MRM1: variants seen among roughly 807,000 people sequenced by gnomAD.
MRM1 encodes the protein rRNA methyltransferase 1, mitochondrial.
MRM1 carries 24 observed loss-of-function variants against 25.0 expected under a neutral mutation model. The ratio of observed to expected loss-of-function variants is 0.96; its 90% CI spans 0.69 to 1.35. The LOEUF is 1.35. Among genes scored for constraint, MRM1 ranks in the 40% most tolerant of loss-of-function variants. MRM1 has a pLI of 0.00. For missense variants in MRM1, 431 were observed against 464.1 expected, an observed-to-expected ratio of 0.93 and a Z score of 0.65; for synonymous variants, 188 against 199.2, an observed-to-expected ratio of 0.94 and a Z score of 0.47.
the MRM1 span, among the ~76,000 whole-genome samples, chr17:36,622,757 G>A: frequency 1.3e-5 from 2 of 152,158 alleles, no homozygotes; most frequent in East Asian, 3.9e-4. Flanking sequence ...CAGTGGCGGT[G>A]CCCTGCAGGG....
chr17:36,602,325 A>G lies in MRM1; in HGVS notation c.515A>G (p.Asp172Gly). The change falls in exon 1 of 5, where the codon GAT (aspartate) becomes GGT (glycine). Residue 172 changes from aspartate to glycine, a missense_variant. Coordinates refer to ENST00000614766, the MANE Select transcript of MRM1 (RefSeq NM_024864.5). The surrounding 1 kb of genome is among the most constrained non-coding windows in gnomAD (Gnocchi z 4.1). ...CGTTCCGCACACTTCCTCGGAGTGG[A>G]TAAGGTCATCACCAGCCGGAGAAAC... is the stretch of plus-strand genomic sequence containing the variant. ...VLRSAHFLGV[D>G]KVITSRRNSC... is the part of the protein sequence containing the mutation. The G allele has an allele frequency of 1.9e-6, 3 of 1,575,858 alleles. No homozygotes were observed. The highest frequency in any genetic ancestry group is 2.6e-6 in the Non-Finnish European group (3 of 1,157,114).
At chr17:36,605,676 A>G (rs1373286656) in intron 2 of MRM1, among the ~76,000 whole-genome samples, 1 of 151,390 alleles carries the variant, frequency 6.6e-6, no homozygotes, top group East Asian at 1.9e-4. Context: ...GGGCATTTCA[A>G]ACCTAACATT....
intron 2 of MRM1, among the ~76,000 whole-genome samples, chr17:36,605,365 G>T (rs2074920173): frequency 6.7e-6 from 1 of 149,350 alleles, no homozygotes; most frequent in Admixed American, 6.7e-5. Flanking sequence ...GTAGAGATGA[G>T]GTCTCACTTT....
At chr17:36,617,819 G>T in the MRM1 span, among the ~76,000 whole-genome samples, 1 of 152,104 alleles carries the variant, frequency 6.6e-6, no homozygotes, top group African/African-American at 2.4e-5. Flanking sequence ...TTTCTGATGA[G>T]CTCTGTCCTG....
At chr17:36,613,062 G>A (rs2074986228), downstream of MRM1, among the ~76,000 whole-genome samples, 1 of 152,144 alleles carries the variant, frequency 6.6e-6, no homozygotes. Context: ...AAGATCCTGA[G>A]ATGCCGAGAT....
rs2142842670 is a variant in MRM1, at chr17:36,608,453, GACGGCCGCA to G, written c.*39_*47del. On this transcript the variant is annotated 3_prime_UTR_variant, in exon 5 of 5. Transcript: ENST00000614766. ...ACAGTGTTCATGTGCTGGAGTCAGG[GACGGCCGCA>G]CCTGCCTCCGCCGGCTCCAGTGTGC... The G allele has an allele frequency of 1.4e-6, 2 of 1,410,186 alleles. No homozygotes were observed. Among genetic ancestry groups the G allele is most frequent in the South Asian group, 3.6e-5 (2 of 55,768 alleles). 87.4% of individuals were successfully genotyped at this position (1,410,186 alleles called of 1,614,324 possible). A position where few individuals can be genotyped will look rare whatever the true frequency, so the allele number is the denominator to read the frequency against.
downstream of MRM1, among the ~76,000 whole-genome samples, chr17:36,610,325 C>A (rs142884029): frequency 1.9e-3 from 294 of 151,774 alleles, no homozygotes; most frequent in Middle Eastern, 0.034. Flanking sequence ...CTCTGCCTTC[C>A]GAGTTCATGC....
At chr17:36,621,847 C>T in the MRM1 span, among the ~76,000 whole-genome samples, 36 of 152,128 alleles carry the variant, frequency 2.4e-4, no homozygotes, top group African/African-American at 8.2e-4. Flanking sequence ...AGTATTTCCC[C>T]GTCTGTCTAT....
the MRM1 span, among the ~76,000 whole-genome samples, chr17:36,621,864 C>A: frequency 6.6e-6 from 1 of 152,124 alleles, no homozygotes; most frequent in Non-Finnish European, 1.5e-5. Context: ...CTATCCCCGT[C>A]TTCCTACAGG....
At chr17:36,617,318 G>A in the MRM1 span, among the ~76,000 whole-genome samples, 17 of 152,084 alleles carry the variant, frequency 1.1e-4, no homozygotes, top group Non-Finnish European at 1.8e-4. Context: ...TTTCACCCAC[G>A]GTTGTGCTGG....
rs888074237 is a variant in MRM1 at position 36,607,922 on chromosome 17, C to T, written c.793C>T (p.Gln265Ter). 4 of 1,613,996 alleles carry T rather than the reference C, an allele frequency of 2.5e-6. No homozygotes were observed. Among genetic ancestry groups the T allele is most frequent in the Non-Finnish European group, 3.4e-6 (4 of 1,180,016 alleles). ...VLGNEGSGLSQEVQASCQLLL... is the reference protein window; with the variant it reads ...VLGNEGSGLS The stretch of plus-strand genomic sequence containing the variant: ...AGGGAATGAGGGCTCAGGTCTATCC[C>T]AGGAGGTGCAGGCCTCCTGCCAGCT... The change falls in exon 4 of 5, where the codon CAG becomes TAG. Residue 265 changes from glutamine to a stop codon, truncating the protein, a stop_gained. Coordinates refer to ENST00000614766, the MANE Select transcript of MRM1 (RefSeq NM_024864.5). LOFTEE classifies it high-confidence loss of function.
the MRM1 span, among the ~76,000 whole-genome samples, chr17:36,625,334 C>T: frequency 1.8e-4 from 14 of 77,392 alleles, no homozygotes; most frequent in African/African-American, 9.4e-4. Context: ...TTCTCCTTCT[C>T]CTTCGCCTTC....
chr17:36,610,498 C>T (rs2074970270), downstream of MRM1, among the ~76,000 whole-genome samples: 1 of 152,216 alleles, frequency 6.6e-6, no homozygotes, highest in Non-Finnish European at 1.5e-5. Context: ...TCCCAATGTG[C>T]TGGGATTACA....
At chr17:36,621,265 C>T in the MRM1 span, among the ~76,000 whole-genome samples, 5 of 152,174 alleles carry the variant, frequency 3.3e-5, no homozygotes, top group Admixed American at 6.5e-5. Context: ...CTGCCAGCCT[C>T]ATAACCTGGA....
rs753006011 is a variant in MRM1, at chr17:36,607,971, G to A, written c.842G>A (p.Arg281His). Residue 281 changes from arginine (R) to histidine (H), a missense_variant, in exon 4 of 5, where the codon CGC becomes CAC. Physicochemically the swap from Arg to His is conservative, Grantham distance 29 (BLOSUM62 0). Transcript: ENST00000614766. ...CQLLLTILPR[R>H]QLPPGLESLN... Reference sequence around the variant, plus strand: ...CTTCTCCTCACCATCCTGCCCCGGCGCCAGCTGCCTCCTGGACTTGAGTCC... The same window carrying A: ...CTTCTCCTCACCATCCTGCCCCGGCACCAGCTGCCTCCTGGACTTGAGTCC... 2.2e-5 allele frequency: 35 copies of A among 1,614,138 alleles called. No individual in the cohort carries two copies. In the South Asian group the frequency reaches 3.3e-4, roughly 15 times the overall value.
chr17:36,633,797 A>G, the MRM1 span, among the ~76,000 whole-genome samples: 5 of 151,910 alleles, frequency 3.3e-5, no homozygotes, highest in African/African-American at 7.3e-5. Flanking sequence ...AGGAGGAGAT[A>G]ATTTAGGCCT....
At chr17:36,632,008 C>A in the MRM1 span, among the ~76,000 whole-genome samples, 2 of 152,152 alleles carry the variant, frequency 1.3e-5, no homozygotes, top group Non-Finnish European at 2.9e-5. Flanking sequence ...GGAAAAATAA[C>A]CACACCTGGG....
At chr17:36,613,530 T>G (rs949110306), downstream of MRM1, among the ~76,000 whole-genome samples, 9 of 152,106 alleles carry the variant, frequency 5.9e-5, no homozygotes, top group Non-Finnish European at 1.3e-4. Flanking sequence ...CCAGAACCCC[T>G]CTGCCTCCCC....
the MRM1 span, among the ~76,000 whole-genome samples, chr17:36,615,608 G>A: frequency 6.6e-6 from 1 of 151,352 alleles, no homozygotes; most frequent in Non-Finnish European, 1.5e-5. Flanking sequence ...ACGGTGAGCT[G>A]AGATCGCGCT....
Sources: allele counts gnomAD v4.1 joint callset (sites outside exome capture counted in the v4.1 genomes callset), GRCh38; gene constraint gnomAD v4.1.1; non-coding constraint Gnocchi (gnomAD v3.1); transcripts MANE v1.5; gene names NCBI Gene and HGNC (gene_info 2026-07-23, HGNC 2026-07-21).